The following MTM1 variants were observed in gnomAD, a reference collection of about 807,000 sequenced individuals.
The protein encoded by MTM1 is myotubularin.
Under a neutral mutation model 52.1 loss-of-function variants are expected in MTM1, and 9 were observed. The observed-to-expected ratio is 0.17, with a 90% CI of 0.10 to 0.30. The LOEUF is 0.30. MTM1 is among the 10% of genes least tolerant of loss of function. MTM1 has a pLI of 1.00. For missense variants in MTM1, 277 were observed against 470.7 expected (o/e 0.59, Z 3.81); for synonymous variants, 136 against 163.8 (o/e 0.83, Z 1.29).
At chrX:150,613,953 G>C (rs1355621307) in intron 4 of MTM1, among the ~76,000 whole-genome samples, 1 of 112,298 alleles carries the variant, frequency 8.9e-6, no homozygotes, top group Non-Finnish European at 1.9e-5. Flanking sequence ...ACCATTTCCA[G>C]ATGCTTGGTC....
chrX:150,615,265 GT>G (rs1237814355), intron 5 of MTM1, among the ~76,000 whole-genome samples: 1 of 111,548 alleles, frequency 9.0e-6, no homozygotes, highest in South Asian at 3.8e-4. Flanking sequence ...GCTCCAAAGA[GT>G]TGGGTAACTT....
intron 6 of MTM1, among the ~76,000 whole-genome samples, chrX:150,620,626 C>T (rs970155564): frequency 1.8e-5 from 2 of 112,024 alleles, no homozygotes; most frequent in Admixed American, 9.5e-5. Context: ...TCTCCACTAC[C>T]TCTGTCTTTT....
chrX:150,568,815 G>A (rs1299424424), intron 1 of MTM1, among the ~76,000 whole-genome samples, 153 bp downstream of exon 1: 1 of 113,196 alleles, frequency 8.8e-6, no homozygotes, highest in East Asian at 2.8e-4. Context: ...TTTCGTCCAA[G>A]CGCCGTCGCT....
chrX:150,629,673 G>C (rs1410289282), intron 6 of MTM1, among the ~76,000 whole-genome samples: 1 of 112,373 alleles, frequency 8.9e-6, no homozygotes, highest in Non-Finnish European at 1.9e-5. Flanking sequence ...TTTAGAAATA[G>C]CATTTATTCA....
At chrX:150,608,615 A>C (rs2039214188) in intron 4 of MTM1, among the ~76,000 whole-genome samples, 1 of 112,041 alleles carries the variant, frequency 8.9e-6, no homozygotes, top group Non-Finnish European at 1.9e-5. Flanking sequence ...CAAGCTACTT[A>C]ACATAAGCAT....
chrX:150,595,018 G>T (rs1646458081), intron 2 of MTM1, among the ~76,000 whole-genome samples: 1 of 96,641 alleles, frequency 1.0e-5, no homozygotes, highest in Non-Finnish European at 2.1e-5. Context: ...TTTTAAATTG[G>T]CTAGGAATTT....
chrX:150,577,671 A>G (rs2038496866), intron 1 of MTM1, among the ~76,000 whole-genome samples: 1 of 112,261 alleles, frequency 8.9e-6, no homozygotes, highest in Non-Finnish European at 1.9e-5. Flanking sequence ...TTCTGGATAC[A>G]AGTACTTCAT....
chrX:150,653,032 A>G lies in MTM1; in HGVS notation c.1053+3131A>G, dbSNP rs138822284. On this transcript the variant is annotated intron_variant, in intron 10 of 14. Transcript: ENST00000370396. ...GGGAAATGTTTTAAGAGACCTCTCT[A>G]AGGTTTTATAGTTTTGTCTATAGCA... Among the ~76,000 whole-genome samples the G allele has an allele frequency of 7.3e-3, 816 of 111,249 alleles. 5 individuals are homozygous for G. The highest frequency in any genetic ancestry group is 0.01 in the Non-Finnish European group (545 of 52,981).
chrX:150,664,199 CA>C (rs1557414837), intron 14 of MTM1, among the ~76,000 whole-genome samples: 1 of 112,709 alleles, frequency 8.9e-6, no homozygotes, highest in Admixed American at 9.4e-5. Context: ...CCACTCCATC[CA>C]TAATCAGAAG....
chrX:150,662,739 A>G (rs1170154226), intron 13 of MTM1, among the ~76,000 whole-genome samples: 1 of 107,534 alleles, frequency 9.3e-6, no homozygotes, highest in Non-Finnish European at 1.9e-5. Flanking sequence ...TACCTTTGGT[A>G]ATTTTAATTC....
intron 1 of MTM1, among the ~76,000 whole-genome samples, chrX:150,570,645 T>C (rs1669711204): frequency 8.9e-6 from 1 of 112,117 alleles, no homozygotes; most frequent in Non-Finnish European, 1.9e-5. Context: ...ATATTGGTTG[T>C]TGATTTCATG....
chrX:150,627,838 C>T (rs782135533), intron 6 of MTM1, among the ~76,000 whole-genome samples: 41 of 112,102 alleles, frequency 3.7e-4, no homozygotes, highest in Non-Finnish European at 6.9e-4. Context: ...CATCTTGAAG[C>T]ATGACTGGTT....
At chrX:150,655,374 G>A (rs782329529) in intron 10 of MTM1, among the ~76,000 whole-genome samples, 3 of 109,222 alleles carry the variant, frequency 2.7e-5, no homozygotes, top group Non-Finnish European at 5.7e-5. Flanking sequence ...TGATCCAACC[G>A]TTTCACTCCA....
chrX:150,596,043 G>A (rs1326036928), intron 2 of MTM1, among the ~76,000 whole-genome samples: 2 of 111,435 alleles, frequency 1.8e-5, no homozygotes, highest in African/African-American at 6.5e-5. Flanking sequence ...TGATTTTCGG[G>A]CATTGTAATA....
intron 9 of MTM1, among the ~76,000 whole-genome samples, chrX:150,648,286 C>T (rs1557414077): frequency 9.0e-6 from 1 of 111,656 alleles, no homozygotes; most frequent in Admixed American, 9.5e-5. Context: ...GGTAGCCTTA[C>T]TTCTGCAGGA....
At chrX:150,666,702 G>A (rs782644200) in intron 14 of MTM1, among the ~76,000 whole-genome samples, 3 of 111,852 alleles carry the variant, frequency 2.7e-5, no homozygotes, top group Non-Finnish European at 5.6e-5. Context: ...TCAGTAAATG[G>A]TGCTGGGACT....
intron 9 of MTM1, among the ~76,000 whole-genome samples, chrX:150,647,322 G>A (rs2039952719): frequency 9.2e-6 from 1 of 108,860 alleles, no homozygotes; most frequent in Non-Finnish European, 1.9e-5. Flanking sequence ...TGCATGAAAT[G>A]GATACACTAA....
intron 1 of MTM1, among the ~76,000 whole-genome samples, chrX:150,586,520 T>A (rs1345617505): frequency 9.0e-6 from 1 of 111,088 alleles, no homozygotes; most frequent in South Asian, 3.8e-4. Context: ...TTGATCATCT[T>A]AGAAAACCTG....
chrX:150,585,082 A>T (rs782150107), intron 1 of MTM1, among the ~76,000 whole-genome samples: 1 of 107,874 alleles, frequency 9.3e-6, no homozygotes, highest in African/African-American at 3.5e-5. Context: ...AGAGAGAGAG[A>T]GAGAAAGAGT....
Sources: gnomAD v4.1 joint callset for allele counts (sites outside exome capture counted in the v4.1 genomes callset) on GRCh38, gnomAD v4.1.1 for gene constraint, MANE v1.5 for transcripts, NCBI Gene and HGNC (gene_info 2026-07-23, HGNC 2026-07-21) for gene names.